The following TMEM132D variants were observed in gnomAD, a reference collection of about 807,000 sequenced individuals.
TMEM132D encodes transmembrane protein 132D.
A neutral mutation model predicts 62.3 loss-of-function variants in TMEM132D; 21 were observed. The observed-to-expected ratio is 0.34, with a 90% CI of 0.24 to 0.49. The LOEUF (loss-of-function observed/expected upper bound fraction) is 0.49. Ranked by LOEUF, TMEM132D falls within the 20% of genes least tolerant of loss-of-function variation. The pLI, the probability that TMEM132D is intolerant of heterozygous loss-of-function variation, is 0.99. For synonymous variants in TMEM132D, 621 were observed against 575.6 expected (o/e 1.08, Z -1.13); for missense variants, 1,346 against 1,402.8 (o/e 0.96, Z 0.65).
At chr12:129,814,468 G>C (rs955712405) in intron 1 of TMEM132D, among the ~76,000 whole-genome samples, 1 of 151,786 alleles carries the variant, frequency 6.6e-6, no homozygotes, top group Non-Finnish European at 1.5e-5. Context: ...AAATTTACCT[G>C]GGCTTGGTGG....
Position 129,144,712 on chromosome 12 carries a change from C to T in TMEM132D, c.1444-60010G>A, listed in dbSNP as rs113788820. On this transcript the variant is annotated intron_variant, in intron 5 of 8. Coordinates refer to ENST00000422113, the MANE Select transcript of TMEM132D (RefSeq NM_133448.3). ...ATCTATCTATCTATCTATCTAGCGACCTACCTACTGACCTACGTATCATTC... is the reference window on the plus strand; with the variant it reads ...ATCTATCTATCTATCTATCTAGCGATCTACCTACTGACCTACGTATCATTC... Among the ~76,000 whole-genome samples the T allele has an allele frequency of 3.2e-4, 38 of 120,496 alleles. 1 individual carries two copies. Among genetic ancestry groups the T allele is most frequent in the African/African-American group, 1.2e-3 (38 of 32,696 alleles). The allele number at this position is 120,496 out of a possible 152,430, so 79.1% of individuals were successfully genotyped here.
chr12:129,706,832 C>T (rs1881517747), intron 1 of TMEM132D, among the ~76,000 whole-genome samples: 1 of 151,818 alleles, frequency 6.6e-6, no homozygotes, highest in Admixed American at 6.6e-5. Flanking sequence ...AGAAACCCAA[C>T]TACTTAACAG....
chr12:129,373,276 G>T (rs1255227316), intron 3 of TMEM132D, among the ~76,000 whole-genome samples: 2 of 152,114 alleles, frequency 1.3e-5, no homozygotes, highest in Admixed American at 6.5e-5. Flanking sequence ...AGTGATAAAA[G>T]TTTGGGCCTC....
At chr12:129,178,926 C>G (rs1307240442) in intron 5 of TMEM132D, among the ~76,000 whole-genome samples, 1 of 152,142 alleles carries the variant, frequency 6.6e-6, no homozygotes, top group South Asian at 2.1e-4. Context: ...ACTTGTGCAG[C>G]GGGGCTTTTG....
chr12:129,579,776 T>G (rs1877790685), intron 2 of TMEM132D, among the ~76,000 whole-genome samples: 1 of 152,090 alleles, frequency 6.6e-6, no homozygotes, highest in Admixed American at 6.5e-5. Flanking sequence ...CAAATATCAA[T>G]CTCCTCTGGC....
chr12:129,783,553 G>A (rs1871177507), intron 1 of TMEM132D, among the ~76,000 whole-genome samples: 1 of 152,132 alleles, frequency 6.6e-6, no homozygotes, highest in Admixed American at 6.5e-5. Context: ...TGTTTTCATT[G>A]TAGGGCCCTG....
intron 4 of TMEM132D, among the ~76,000 whole-genome samples, chr12:129,332,249 A>T (rs1869129258): frequency 6.6e-6 from 1 of 152,206 alleles, no homozygotes; most frequent in Non-Finnish European, 1.5e-5. Flanking sequence ...CCTGAACTGA[A>T]AAAACAATGT....
At chr12:129,587,881 A>G (rs1878074488) in intron 2 of TMEM132D, among the ~76,000 whole-genome samples, 1 of 152,200 alleles carries the variant, frequency 6.6e-6, no homozygotes, top group Admixed American at 6.5e-5. Context: ...GGTGCCTCAA[A>G]CCAACAGCAA....
intron 3 of TMEM132D, among the ~76,000 whole-genome samples, chr12:129,360,148 T>G (rs921787071): frequency 6.6e-6 from 1 of 152,184 alleles, no homozygotes; most frequent in African/African-American, 2.4e-5. Context: ...ACCCAGGCCC[T>G]GCCTATCTAT....
intron 3 of TMEM132D, among the ~76,000 whole-genome samples, chr12:129,466,688 A>G (rs1350487699): frequency 6.6e-6 from 1 of 152,184 alleles, no homozygotes; most frequent in Non-Finnish European, 1.5e-5. Context: ...CCAAGAGGGA[A>G]CAGCACACAG....
chr12:129,397,544 C>T (rs1038822241), intron 3 of TMEM132D, among the ~76,000 whole-genome samples: 3 of 152,018 alleles, frequency 2.0e-5, no homozygotes, highest in African/African-American at 7.2e-5. Flanking sequence ...TTGCATTAAG[C>T]CCATCTTTGG....
chr12:129,406,545 G>A (rs146182978), intron 3 of TMEM132D, among the ~76,000 whole-genome samples: 2,352 of 151,934 alleles, frequency 0.015, 65 homozygotes, highest in African/African-American at 0.053. Flanking sequence ...GCGTGAACCC[G>A]GGAGGCGGAG....
At chr12:129,399,896 G>T (rs117706737) in intron 3 of TMEM132D, among the ~76,000 whole-genome samples, 329 of 151,474 alleles carry the variant, frequency 2.2e-3, no homozygotes, top group African/African-American at 7.1e-3. Context: ...TGTGTGTGTG[G>T]GGGGGTATAT....
At chr12:129,570,401 C>T (rs979551222) in intron 2 of TMEM132D, among the ~76,000 whole-genome samples, 2 of 152,066 alleles carry the variant, frequency 1.3e-5, no homozygotes, top group African/African-American at 4.8e-5. Context: ...GACAAGGATT[C>T]GCGTGCAGAA....
intron 4 of TMEM132D, among the ~76,000 whole-genome samples, chr12:129,275,971 G>A (rs909972931): frequency 2.0e-5 from 3 of 152,180 alleles, no homozygotes; most frequent in Non-Finnish European, 2.9e-5. Context: ...CAGTCCAGGC[G>A]TGTTTAGCAG....
intron 1 of TMEM132D, among the ~76,000 whole-genome samples, chr12:129,741,090 C>A (rs968870206): frequency 6.6e-6 from 1 of 152,188 alleles, no homozygotes; most frequent in Admixed American, 6.5e-5. Flanking sequence ...GTCAAGTGTT[C>A]CCCATGTGGC....
intron 5 of TMEM132D, among the ~76,000 whole-genome samples, chr12:129,097,575 G>T (rs900238261): frequency 6.6e-6 from 1 of 152,226 alleles, no homozygotes; most frequent in Non-Finnish European, 1.5e-5. Flanking sequence ...AACAGGAGAA[G>T]GGAAATGGCC....
intron 5 of TMEM132D, among the ~76,000 whole-genome samples, chr12:129,207,273 T>C (rs552931868): frequency 1.3e-5 from 2 of 149,318 alleles, no homozygotes; most frequent in East Asian, 3.9e-4. Context: ...CCTCATGGAG[T>C]TTAGATTCCA....
At chr12:129,360,860 C>T (rs995871745) in intron 3 of TMEM132D, among the ~76,000 whole-genome samples, 2 of 152,140 alleles carry the variant, frequency 1.3e-5, no homozygotes, top group Non-Finnish European at 2.9e-5. Flanking sequence ...GCCCTGATGA[C>T]GAAGGTGGCT....
Sources: allele counts gnomAD v4.1 joint callset (sites outside exome capture counted in the v4.1 genomes callset), GRCh38; gene constraint gnomAD v4.1.1; transcripts MANE v1.5; gene names NCBI Gene and HGNC (gene_info 2026-07-23, HGNC 2026-07-21).